Variants in AK7 observed in about 807,000 individuals in gnomAD.
AK7 encodes ATP-AMP transphosphorylase 7.
In AK7, 78 loss-of-function variants were observed where a neutral mutation model predicts 96.6. The ratio of observed to expected loss-of-function variants is 0.81; its 90% CI spans 0.67 to 0.97. The LOEUF is 0.97. Among genes scored for constraint, AK7 ranks in the 50% least tolerant of loss-of-function variants. AK7 has a pLI of 0.00. For synonymous variants in AK7, 302 were observed against 317.2 expected, an observed-to-expected ratio of 0.95 and a Z score of 0.51; for missense variants, 855 against 887.9, an observed-to-expected ratio of 0.96 and a Z score of 0.47.
intron 12 of AK7, among the ~76,000 whole-genome samples, chr14:96,463,139 AAAACAAACAAAC>A (rs72136096): frequency 0.011 from 1,605 of 151,176 alleles, 12 homozygotes; most frequent in Middle Eastern, 0.037. Flanking sequence ...TCCGCCTCAA[AAAACAAACAAAC>A]AAACAAACAA....
At chr14:96,467,933 AAGAAAAAAGTC>A (rs2140147216) in intron 12 of AK7, among the ~76,000 whole-genome samples, 1 of 152,166 alleles carries the variant, frequency 6.6e-6, no homozygotes, top group African/African-American at 2.4e-5. Context: ...TGCTTCTATA[AAGAAAAAAGTC>A]AGATACGGTG....
intron 7 of AK7, among the ~76,000 whole-genome samples, chr14:96,445,533 G>A (rs1258822333): frequency 1.3e-5 from 2 of 152,134 alleles, no homozygotes; most frequent in East Asian, 1.9e-4. Context: ...GGTGGCTCAT[G>A]CCTGCAGTCC....
chr14:96,447,178 C>T (rs1893285734), intron 8 of AK7, among the ~76,000 whole-genome samples: 12 of 152,168 alleles, frequency 7.9e-5, no homozygotes, highest in Admixed American at 7.9e-4. Flanking sequence ...GATCATTGCA[C>T]CCCAGACACA....
At chr14:96,482,890 G>C (rs1424659330) in intron 15 of AK7, 109 bp from the exon 16 acceptor site, 19 of 1,078,378 alleles carry the variant, frequency 1.8e-5, no homozygotes, top group Non-Finnish European at 1.3e-6. Flanking sequence ...AACCCTATGT[G>C]GTAATTTACA....
At chr14:96,464,544 C>CAA (rs375649324) in intron 12 of AK7, among the ~76,000 whole-genome samples, 20,909 of 56,298 alleles carry the variant, frequency 0.37, 3,316 homozygotes, top group East Asian at 0.54. Context: ...GACCCTGTCC[C>CAA]AAAAAAAAAA....
chr14:96,474,823 T>C (rs1399586787), intron 14 of AK7, among the ~76,000 whole-genome samples: 1 of 152,176 alleles, frequency 6.6e-6, no homozygotes, highest in Non-Finnish European at 1.5e-5. Flanking sequence ...CAACTGGCAA[T>C]TGGTCGTGCA....
At chr14:96,393,445 A>T (rs187518336) in intron 1 of AK7, among the ~76,000 whole-genome samples, 1 of 152,362 alleles carries the variant, frequency 6.6e-6, no homozygotes, top group Admixed American at 6.5e-5. Context: ...TCTTGAGGGC[A>T]GAAGTCCAAG....
chr14:96,465,289 G>A (rs935074792), intron 12 of AK7, among the ~76,000 whole-genome samples: 1 of 151,948 alleles, frequency 6.6e-6, no homozygotes, highest in Non-Finnish European at 1.5e-5. Context: ...GTGAAACCCC[G>A]TCTCTACTAA....
Position 96,436,589 on chromosome 14 carries a change from G to A in AK7, c.610-1246G>A, listed in dbSNP as rs545159285. Among the ~76,000 whole-genome samples the A allele has an allele frequency of 1.8e-4, 27 of 152,292 alleles. No individual in the cohort carries two copies. The South Asian group carries it at 4.8e-3, about 27-fold the overall frequency. On this transcript the variant is annotated intron_variant, in intron 5 of 17. Transcript: ENST00000267584. ...GAACCCAGGAGGCCAAGGTTGCAGT[G>A]AGCCTAGATTATGCCACTGCACTCC...
intron 15 of AK7, 40 bp downstream of exon 15, chr14:96,478,702 C>G (rs750102685): frequency 6.3e-7 from 1 of 1,597,536 alleles, no homozygotes. Context: ...TGTCCAGGAC[C>G]CCCAGCAAAG....
chr14:96,446,433 T>G, intron 7 of AK7, 84 bp from the exon 8 acceptor site: 4 of 1,157,264 alleles, frequency 3.5e-6, no homozygotes, highest in Non-Finnish European at 5.2e-6. Flanking sequence ...CGCCCAGCCA[T>G]GGGGGTGGTG....
intron 16 of AK7, among the ~76,000 whole-genome samples, chr14:96,485,022 C>G (rs910692226): frequency 6.6e-6 from 1 of 152,206 alleles, no homozygotes; most frequent in African/African-American, 2.4e-5. Context: ...CTAAAGTTTG[C>G]TGGGTCAAAC....
intron 4 of AK7, among the ~76,000 whole-genome samples, chr14:96,414,985 G>C (rs936713488): frequency 6.6e-6 from 1 of 151,882 alleles, no homozygotes; most frequent in Non-Finnish European, 1.5e-5. Context: ...AAATTTCTGG[G>C]CTCAATTAAC....
intron 10 of AK7, among the ~76,000 whole-genome samples, chr14:96,454,440 T>C (rs1893775629): frequency 6.6e-6 from 1 of 151,684 alleles, no homozygotes; most frequent in Non-Finnish European, 1.5e-5. Context: ...GGAGAAATGG[T>C]GTTTTTTTTT....
chr14:96,436,988 A>G (rs1892672802), intron 5 of AK7, among the ~76,000 whole-genome samples: 1 of 148,158 alleles, frequency 6.7e-6, no homozygotes, highest in Admixed American at 6.9e-5. Flanking sequence ...CTCCAGCAGA[A>G]CTCATATCAA....
At chr14:96,482,056 C>T (rs1376469572) in intron 15 of AK7, among the ~76,000 whole-genome samples, 1 of 152,140 alleles carries the variant, frequency 6.6e-6, no homozygotes, top group Non-Finnish European at 1.5e-5. Context: ...CTCTGCTCCT[C>T]CCCTCTTCCC....
At chr14:96,395,364 G>T (rs1048758326) in intron 1 of AK7, among the ~76,000 whole-genome samples, 1 of 152,126 alleles carries the variant, frequency 6.6e-6, no homozygotes, top group Admixed American at 6.5e-5. Context: ...TGTCCTAAAG[G>T]TCTTCATCCT....
chr14:96,420,925 G>GA lies in AK7; in HGVS notation c.608dup (p.Ala204GlyfsTer27). The GA allele has an allele frequency of 6.3e-7, 1 of 1,598,698 alleles. No individual in the cohort carries two copies. The highest frequency in any genetic ancestry group is 8.6e-7 in the Non-Finnish European group (1 of 1,167,550). On this transcript the variant is annotated frameshift_variant, in exon 5 of 18. Coordinates refer to ENST00000267584, the MANE Select transcript of AK7 (RefSeq NM_152327.5). LOFTEE classifies it high-confidence loss of function. ...GCTGAAAAAATGGTTCTCAAATTTG[G>GA]AAAAAAGGTAAGTCTGGCATAGTGG...
chr14:96,463,651 C>T (rs539198872), intron 12 of AK7, among the ~76,000 whole-genome samples: 13 of 139,630 alleles, frequency 9.3e-5, no homozygotes, highest in South Asian at 2.3e-4. Context: ...ACCTGGGAGG[C>T]GGAGCTTGCA....
Sources: allele counts gnomAD v4.1 joint callset (sites outside exome capture counted in the v4.1 genomes callset), GRCh38; gene constraint gnomAD v4.1.1; transcripts MANE v1.5; gene names NCBI Gene and HGNC (gene_info 2026-07-23, HGNC 2026-07-21).